The following EXOC4 variants were observed in gnomAD, a reference collection of about 807,000 sequenced individuals.
EXOC4 encodes exocyst complex component 4.
EXOC4 carries 71 observed loss-of-function variants against 107.2 expected under a neutral mutation model. The observed-to-expected ratio is 0.66, with a 90% CI of 0.55 to 0.81. EXOC4 has a LOEUF of 0.81. Ranked by LOEUF, EXOC4 falls within the 30% of genes least tolerant of loss-of-function variation. The probability of loss-of-function intolerance (pLI) is 0.00; values close to 1 mark genes in which losing one functional copy is unlikely to be tolerated. For synonymous variants in EXOC4, 456 were observed against 441.2 expected (o/e 1.03, Z -0.42); for missense variants, 1,108 against 1,189.6 (o/e 0.93, Z 1.01).
At chr7:133,334,163 T>G (rs1161161893) in intron 5 of EXOC4, among the ~76,000 whole-genome samples, 1 of 152,182 alleles carries the variant, frequency 6.6e-6, no homozygotes, top group Non-Finnish European at 1.5e-5. Context: ...TCGGAAGCAT[T>G]ATCATGTTGT....
At chr7:133,485,831 C>A (rs117349485) in intron 9 of EXOC4, among the ~76,000 whole-genome samples, 5,160 of 152,192 alleles carry the variant, frequency 0.034, 118 homozygotes, top group Non-Finnish European at 0.051. Flanking sequence ...TTTAAATAAA[C>A]AGACTGGGAG....
the EXOC4 span, among the ~76,000 whole-genome samples, chr7:134,081,915 T>G: frequency 3.9e-5 from 6 of 151,988 alleles, no homozygotes; most frequent in Admixed American, 3.9e-4. Flanking sequence ...ACCTTTAGAG[T>G]CCTTATACAT....
the EXOC4 span, among the ~76,000 whole-genome samples, chr7:134,081,833 G>A: frequency 6.6e-6 from 1 of 152,164 alleles, no homozygotes; most frequent in African/African-American, 2.4e-5. Flanking sequence ...TGATAAACTT[G>A]AGGCACTTGT....
chr7:134,033,944 A>G (rs559841880), intron 17 of EXOC4, among the ~76,000 whole-genome samples: 1 of 152,338 alleles, frequency 6.6e-6, no homozygotes, highest in South Asian at 2.1e-4. Flanking sequence ...TGAGGGTGCA[A>G]TAAGGGCATC....
At chr7:133,857,488 G>A (rs117049772) in intron 11 of EXOC4, among the ~76,000 whole-genome samples, 9 of 40,390 alleles carry the variant, frequency 2.2e-4, no homozygotes, top group Non-Finnish European at 3.8e-4. Context: ...ACTCATGCCC[G>A]TTGGGCTTGT....
At chr7:133,310,999 T>C (rs575898585) in intron 4 of EXOC4, among the ~76,000 whole-genome samples, 9 of 152,310 alleles carry the variant, frequency 5.9e-5, no homozygotes, top group African/African-American at 1.9e-4. Context: ...CCAGATGTTT[T>C]TGAAGTAGAA....
chr7:133,759,353 G>A (rs955610570), intron 10 of EXOC4, among the ~76,000 whole-genome samples: 1 of 152,118 alleles, frequency 6.6e-6, no homozygotes, highest in African/African-American at 2.4e-5. Context: ...TAAAACTCAA[G>A]TGGATCTGGG....
intron 10 of EXOC4, among the ~76,000 whole-genome samples, chr7:133,777,168 T>A (rs1236568168): frequency 6.6e-6 from 1 of 152,086 alleles, no homozygotes; most frequent in Non-Finnish European, 1.5e-5. Context: ...TAATGATTCT[T>A]GTTGCCTATC....
At chr7:133,896,188 C>G (rs1799302782) in intron 12 of EXOC4, among the ~76,000 whole-genome samples, 1 of 152,018 alleles carries the variant, frequency 6.6e-6, no homozygotes, top group Non-Finnish European at 1.5e-5. Flanking sequence ...GAACAGTTAC[C>G]CCTGTTTTCA....
intron 10 of EXOC4, among the ~76,000 whole-genome samples, chr7:133,814,854 TAA>T (rs1797327227): frequency 6.6e-6 from 1 of 152,248 alleles, no homozygotes; most frequent in Non-Finnish European, 1.5e-5. Flanking sequence ...ATTTTTTTAC[TAA>T]GTCATTTGGT....
At chr7:133,336,566 A>AT in intron 5 of EXOC4, among the ~76,000 whole-genome samples, 1 of 151,778 alleles carries the variant, frequency 6.6e-6, no homozygotes, top group Non-Finnish European at 1.5e-5. Context: ...GTGTTGTTTA[A>AT]TTTTCATTTC....
chr7:133,727,398 A>G (rs7791834), intron 10 of EXOC4: 155,801 of 157,892 alleles, frequency 0.99, 76,918 homozygotes, highest in Middle Eastern at 1. Context: ...CTTCTAATGG[A>G]TTCCACAATT....
intron 9 of EXOC4, among the ~76,000 whole-genome samples, chr7:133,612,261 A>G (rs920120948): frequency 1.3e-5 from 2 of 152,218 alleles, no homozygotes; most frequent in East Asian, 3.8e-4. Flanking sequence ...TCTCACAATC[A>G]TATCTTCATG....
intron 3 of EXOC4, among the ~76,000 whole-genome samples, chr7:133,293,121 A>T (rs545021432): frequency 6.6e-6 from 1 of 152,276 alleles, no homozygotes; most frequent in Non-Finnish European, 1.5e-5. Context: ...TTCTGATATT[A>T]CCATTTTATA....
chr7:133,639,065 C>T (rs979924368), intron 10 of EXOC4, among the ~76,000 whole-genome samples: 39 of 152,102 alleles, frequency 2.6e-4, no homozygotes, highest in African/African-American at 9.2e-4. Flanking sequence ...TTATGTCCAG[C>T]CACAGGGCCA....
chr7:133,581,275 A>G (rs1243059949), intron 9 of EXOC4, among the ~76,000 whole-genome samples: 2 of 152,168 alleles, frequency 1.3e-5, no homozygotes, highest in African/African-American at 2.4e-5. Context: ...AAAGACTTCT[A>G]CTGTTGTTAG....
chr7:134,053,467 A>G (rs1795845378), intron 17 of EXOC4, among the ~76,000 whole-genome samples: 1 of 151,920 alleles, frequency 6.6e-6, no homozygotes, highest in Non-Finnish European at 1.5e-5. Flanking sequence ...TTGTACAAAT[A>G]GGAAGAGGCA....
intron 14 of EXOC4, among the ~76,000 whole-genome samples, chr7:133,982,569 A>G (rs1271383302): frequency 6.6e-6 from 1 of 152,106 alleles, no homozygotes; most frequent in Non-Finnish European, 1.5e-5. Flanking sequence ...AAACAAAACA[A>G]AAAAAGATAC....
intron 10 of EXOC4, among the ~76,000 whole-genome samples, chr7:133,660,117 C>T (rs1803403961): frequency 6.6e-6 from 1 of 152,070 alleles, no homozygotes; most frequent in Admixed American, 6.6e-5. Flanking sequence ...ATTTAGAATT[C>T]ACAACCTGAA....
Sources: allele counts gnomAD v4.1 joint callset (sites outside exome capture counted in the v4.1 genomes callset), GRCh38; gene constraint gnomAD v4.1.1; transcripts MANE v1.5; gene names NCBI Gene and HGNC (gene_info 2026-07-23, HGNC 2026-07-21).